The following RPL13A variants were observed in gnomAD, a reference collection of about 807,000 sequenced individuals.
The protein encoded by RPL13A is large ribosomal subunit protein uL13.
RPL13A carries 4 observed loss-of-function variants against 30.8 expected under a neutral mutation model. The observed-to-expected ratio is 0.13, with a 90% CI of 0.06 to 0.30. The LOEUF (loss-of-function observed/expected upper bound fraction) is 0.30, where lower values mean the gene tolerates loss of function less well. Among genes scored for constraint, RPL13A ranks in the 10% least tolerant of loss-of-function variants. The probability of loss-of-function intolerance (pLI) is 1.00; values close to 1 mark genes in which losing one functional copy is unlikely to be tolerated. For missense variants in RPL13A, 196 were observed against 272.6 expected (o/e 0.72, Z 1.98); for synonymous variants, 108 against 104.2 (o/e 1.04, Z -0.22).
At chr19:49,488,737 G>A (rs749036391) in intron 1 of RPL13A, among the ~76,000 whole-genome samples, 18 of 152,220 alleles carry the variant, frequency 1.2e-4, no homozygotes, top group Admixed American at 3.9e-4. Context: ...ACGGAGTCTC[G>A]CTGTGACACC....
chr19:49,491,115 C>A lies in RPL13A; in HGVS notation c.402+16C>A. ...TACAAGAAAGGTGAGTCCCAGCTTA[C>A]GCTGCACCATCTACTTGGGAGATTT... On this transcript the variant is annotated intron_variant, in intron 6 of 7. Transcript: ENST00000391857. 6.2e-7 allele frequency: 1 copy of A among 1,613,984 alleles called. No individual in the cohort carries two copies. The highest frequency in any genetic ancestry group is 8.5e-7 in the Non-Finnish European group (1 of 1,179,960).
At chr19:49,489,342 A>G (rs1419214936) in intron 1 of RPL13A, among the ~76,000 whole-genome samples, 7 of 152,024 alleles carry the variant, frequency 4.6e-5, no homozygotes, top group Non-Finnish European at 1.0e-4. Flanking sequence ...CAAAAAAAAA[A>G]GTACAAAAAT....
intron 1 of RPL13A, 109 bp downstream of exon 1, chr19:49,487,753 T>G (rs180749858): frequency 1.1e-3 from 1,260 of 1,157,472 alleles, no homozygotes; most frequent in Non-Finnish European, 9.9e-4. Context: ...ACATCCATAA[T>G]GAAGCAAAAT....
Position 49,491,073 on chromosome 19 carries a change from G to A in RPL13A, c.376G>A (p.Val126Ile). 6.2e-7 allele frequency: 1 copy of A among 1,614,204 alleles called. No homozygotes were observed. The highest frequency in any genetic ancestry group is 8.5e-7 in the Non-Finnish European group (1 of 1,180,042). The change falls in exon 6 of 8, where the codon GTC becomes ATC. Residue 126 changes from valine (V) to isoleucine (I), a missense_variant. Physicochemically the swap from Val to Ile is conservative, Grantham distance 29 (BLOSUM62 3). Transcript: ENST00000391857. Reference sequence around the variant, plus strand: ...GATGGTGGTTCCTGCTGCCCTCAAGGTCGTGCGTCTGAAGCCTACAAGAAA... The same window carrying A: ...GATGGTGGTTCCTGCTGCCCTCAAGATCGTGCGTCTGAAGCCTACAAGAAA... Reference protein sequence around the residue: ...KRMVVPAALKVVRLKPTRKFA... With the variant: ...KRMVVPAALKIVRLKPTRKFA...
At chr19:49,491,702 A>G in intron 7 of RPL13A, 27 bp from the exon 8 acceptor site, 1 of 1,608,692 alleles carries the variant, frequency 6.2e-7, no homozygotes, top group Non-Finnish European at 8.5e-7. Context: ...CCTCCTGACC[A>G]CCACCACCTG....
chr19:49,490,030 T>TG (rs766051290), intron 2 of RPL13A, 108 bp downstream of exon 2: 32 of 1,048,154 alleles, frequency 3.1e-5, no homozygotes, highest in Non-Finnish European at 4.0e-5. Context: ...ATCAACCCCA[T>TG]GCACCGCTCT....
intron 1 of RPL13A, among the ~76,000 whole-genome samples, chr19:49,489,126 T>C: frequency 6.6e-6 from 1 of 152,224 alleles, no homozygotes; most frequent in African/African-American, 2.4e-5. Flanking sequence ...TCATCCCACC[T>C]GAAATTCGGT....
intron 1 of RPL13A, among the ~76,000 whole-genome samples, chr19:49,489,332 CAAA>C (rs918728318): frequency 8.2e-5 from 12 of 147,120 alleles, no homozygotes; most frequent in African/African-American, 3.0e-4. Context: ...CCTGACTCAA[CAAA>C]AAAAAAAGTA....
chr19:49,487,792 T>A, intron 1 of RPL13A, 148 bp downstream of exon 1: 1 of 869,482 alleles, frequency 1.2e-6, no homozygotes, highest in Non-Finnish European at 1.7e-6. Flanking sequence ...GGGGAATCTG[T>A]AGGAAATGCC....
chr19:49,491,345 A>T, intron 6 of RPL13A, 80 bp from the exon 7 acceptor site: 2 of 1,376,554 alleles, frequency 1.5e-6, no homozygotes, highest in Middle Eastern at 3.8e-4. Context: ...CCAGCTCTCA[A>T]CAGCTCCGGC....
chr19:49,490,519 T>A lies in RPL13A; in HGVS notation c.199T>A (p.Ser67Thr), dbSNP rs761308375. Residue 67 changes from serine to threonine, a missense_variant, in exon 4 of 8, where the codon TCC becomes ACC. Ser to Thr is a moderately conservative substitution (Grantham distance 58). Coordinates refer to ENST00000391857, the MANE Select transcript of RPL13A (RefSeq NM_012423.4). Reference protein sequence around the residue: ...FLRKRMNTNPSRGPYHFRAPS... With the variant: ...FLRKRMNTNPTRGPYHFRAPS... ...CCGCAAGCGGATGAACACCAACCCTTCCCGAGGCCCCTACCACTTCCGGGC... is the reference window on the plus strand; with the variant it reads ...CCGCAAGCGGATGAACACCAACCCTACCCGAGGCCCCTACCACTTCCGGGC... 5 of 1,614,136 alleles carry A rather than the reference T, an allele frequency of 3.1e-6. No homozygotes were observed. The highest frequency in any genetic ancestry group is 4.2e-6 in the Non-Finnish European group (5 of 1,180,020).
intron 2 of RPL13A, 34 bp downstream of exon 2, chr19:49,489,956 C>T (rs780443572): frequency 9.8e-5 from 151 of 1,540,808 alleles, no homozygotes; most frequent in Middle Eastern, 3.4e-4. Context: ...CTGTCATGGG[C>T]CCCCGCTGGA....
chr19:49,491,274 C>T (rs758645540), intron 6 of RPL13A, 151 bp from the exon 7 acceptor site: 4 of 1,168,818 alleles, frequency 3.4e-6, no homozygotes, highest in Admixed American at 1.7e-5. Context: ...TGGGTGGGTG[C>T]TTTTCTAACA....
At chr19:49,491,348 G>A (rs1392971572) in intron 6 of RPL13A, 77 bp from the exon 7 acceptor site, 32 of 1,369,060 alleles carry the variant, frequency 2.3e-5, no homozygotes, top group Non-Finnish European at 3.1e-5. Flanking sequence ...GCTCTCAACA[G>A]CTCCGGCTCT....
At chr19:49,489,980 C>G (rs761358599) in intron 2 of RPL13A, 58 bp downstream of exon 2, 1 of 1,317,998 alleles carries the variant, frequency 7.6e-7, no homozygotes, top group South Asian at 1.2e-5. Flanking sequence ...CAGTGATGAG[C>G]AACATTCACC....
In RPL13A at chr19:49,491,756, G is replaced by A. The variant is rs1187672364; in HGVS notation, c.553G>A (p.Val185Met). Residue 185 changes from valine to methionine, a missense_variant, in exon 8 of 8, where the codon GTG becomes ATG. Val to Met is a conservative substitution (Grantham distance 21). Coordinates refer to ENST00000391857, the MANE Select transcript of RPL13A (RefSeq NM_012423.4). The stretch of plus-strand genomic sequence containing the variant: ...GCTACGGAAACAGGCCGAGAAGAAC[G>A]TGGAGAAGAAAATTGACAAATACAC... Reference protein sequence around the residue: ...MRLRKQAEKNVEKKIDKYTEV... With the variant: ...MRLRKQAEKNMEKKIDKYTEV... 4 of 1,613,438 alleles carry A rather than the reference G, an allele frequency of 2.5e-6. No homozygotes were observed. The highest frequency in any genetic ancestry group is 1.6e-4 in the Middle Eastern group (1 of 6,084).
chr19:49,490,191 C>G (rs765432618), intron 2 of RPL13A, 41 bp from the exon 3 acceptor site: 4 of 1,599,186 alleles, frequency 2.5e-6, no homozygotes, highest in Non-Finnish European at 3.4e-6. Flanking sequence ...TGGTGGGACC[C>G]TCAGGCGGCT....
intron 1 of RPL13A, 118 bp downstream of exon 1, chr19:49,487,762 A>G (rs1446072003): frequency 3.0e-5 from 33 of 1,100,302 alleles, no homozygotes; most frequent in African/African-American, 5.0e-5. Context: ...ATGAAGCAAA[A>G]TGGAAGTCTT....
At chr19:49,488,601 C>A (rs758969807) in intron 1 of RPL13A, among the ~76,000 whole-genome samples, 1 of 152,246 alleles carries the variant, frequency 6.6e-6, no homozygotes, top group Admixed American at 6.5e-5. Context: ...GTCACGACTT[C>A]AGGAAGTCTG....
Sources: allele counts gnomAD v4.1 joint callset (sites outside exome capture counted in the v4.1 genomes callset), GRCh38; gene constraint gnomAD v4.1.1; transcripts MANE v1.5; gene names NCBI Gene and HGNC (gene_info 2026-07-23, HGNC 2026-07-21).